EIF2B3: variants seen among roughly 807,000 people sequenced by gnomAD.
EIF2B3 encodes the protein eukaryotic translation initiation factor 2B subunit gamma.
A neutral mutation model predicts 54.1 loss-of-function variants in EIF2B3; 20 were observed. The observed-to-expected ratio is 0.37, with a 90% CI of 0.26 to 0.54. The LOEUF is 0.54. Among genes scored for constraint, EIF2B3 ranks in the 20% least tolerant of loss-of-function variants. The pLI is 0.86. For missense variants in EIF2B3, 448 were observed against 547.8 expected, an observed-to-expected ratio of 0.82 and a Z score of 1.82; for synonymous variants, 153 against 188.1, an observed-to-expected ratio of 0.81 and a Z score of 1.52.
chr1:44,880,068 G>T, intron 7 of EIF2B3, 60 bp from the exon 8 acceptor site: 1 of 1,571,322 alleles, frequency 6.4e-7, no homozygotes, highest in Non-Finnish European at 8.7e-7. Context: ...AACAGATACA[G>T]ACTCAGTCAA....
chr1:44,967,365 T>C (rs1355902690), intron 3 of EIF2B3, among the ~76,000 whole-genome samples: 1 of 150,786 alleles, frequency 6.6e-6, no homozygotes, highest in Non-Finnish European at 1.5e-5. Flanking sequence ...AGGAATCACT[T>C]GAACCTGGGA....
intron 3 of EIF2B3, among the ~76,000 whole-genome samples, chr1:44,950,496 AAAAC>A (rs1176181659): frequency 6.6e-6 from 1 of 152,168 alleles, no homozygotes; most frequent in Non-Finnish European, 1.5e-5. Context: ...ATACAGATAA[AAAAC>A]AAAGTAGCTA....
Position 44,978,100 on chromosome 1 carries a change from G to A in EIF2B3, c.294+215C>T, listed in dbSNP as rs2476170. Among the ~76,000 whole-genome samples, 1,050 of 152,180 alleles carry A rather than the reference G, an allele frequency of 6.9e-3. 13 individuals are homozygous for A. Among genetic ancestry groups the A allele is most frequent in the African/African-American group, 0.024 (983 of 41,532 alleles). On this transcript the variant is annotated intron_variant, in intron 3 of 11. Coordinates refer to ENST00000360403, the MANE Select transcript of EIF2B3 (RefSeq NM_020365.5). ...TACAAAATTAGCCAGGCACGGTGGC[G>A]TATGCCTGTAATCCCAGCTACTTGG...
chr1:44,923,568 G>A (rs576990597), intron 5 of EIF2B3, among the ~76,000 whole-genome samples: 2 of 152,150 alleles, frequency 1.3e-5, no homozygotes, highest in East Asian at 3.9e-4. Context: ...ATTTTACTGG[G>A]AACTCAGTTT....
chr1:44,857,625 C>T (rs1251822552), intron 11 of EIF2B3, 79 bp downstream of exon 11: 3 of 1,380,896 alleles, frequency 2.2e-6, no homozygotes, highest in African/African-American at 2.8e-5. Context: ...GCTTGTTTCC[C>T]ACATCCTCAC....
chr1:44,863,988 T>A (rs977204514), intron 10 of EIF2B3, among the ~76,000 whole-genome samples: 1 of 152,186 alleles, frequency 6.6e-6, no homozygotes, highest in African/African-American at 2.4e-5. Context: ...GAAAATTTCC[T>A]CCTTTTAGTT....
chr1:44,985,421 G>A (rs959246131), intron 1 of EIF2B3, among the ~76,000 whole-genome samples: 1 of 151,996 alleles, frequency 6.6e-6, no homozygotes, highest in Non-Finnish European at 1.5e-5. Flanking sequence ...TTCATTGCAC[G>A]TATGTGTTTA....
At chr1:44,885,583 C>T (rs1655551102) in intron 6 of EIF2B3, among the ~76,000 whole-genome samples, 2 of 152,052 alleles carry the variant, frequency 1.3e-5, no homozygotes, top group Admixed American at 6.6e-5. Context: ...ATATATTACT[C>T]AGTAAATATT....
At chr1:44,856,536 A>G (rs1262038082) in intron 11 of EIF2B3, among the ~76,000 whole-genome samples, 1 of 151,462 alleles carries the variant, frequency 6.6e-6, no homozygotes, top group Non-Finnish European at 1.5e-5. Context: ...ATTAAAAAAA[A>G]AAAAAAAAAA....
intron 7 of EIF2B3, among the ~76,000 whole-genome samples, chr1:44,880,685 G>A (rs572091428): frequency 2.6e-5 from 4 of 152,268 alleles, no homozygotes; most frequent in South Asian, 2.1e-4. Flanking sequence ...AATGCTGGCC[G>A]GGCACGGTGG....
intron 3 of EIF2B3, among the ~76,000 whole-genome samples, chr1:44,969,275 A>G (rs1644377696): frequency 6.6e-6 from 1 of 152,174 alleles, no homozygotes; most frequent in African/African-American, 2.4e-5. Context: ...ATCAACAAAA[A>G]CCTAGTTTCT....
chr1:44,871,225 A>T (rs891376807), intron 10 of EIF2B3, among the ~76,000 whole-genome samples: 1 of 149,764 alleles, frequency 6.7e-6, no homozygotes, highest in African/African-American at 2.4e-5. Context: ...AGGCAGACAC[A>T]TGTTTTATAG....
At chr1:44,917,526 A>C (rs1229755883) in intron 5 of EIF2B3, among the ~76,000 whole-genome samples, 2 of 151,452 alleles carry the variant, frequency 1.3e-5, no homozygotes, top group Non-Finnish European at 2.9e-5. Flanking sequence ...AAATCTTCAG[A>C]TTTTACTTGA....
rs34681417 is a variant in EIF2B3, at chr1:44,914,160, AT to A, written c.566+12467del. On this transcript the variant is annotated intron_variant, in intron 5 of 11. Coordinates refer to ENST00000360403, the MANE Select transcript of EIF2B3 (RefSeq NM_020365.5). Reference sequence around the variant, plus strand: ...GCTTTTAAAACTTTTTAAATTGGGAATTTTTTTTTTTTTTTTTGAGGCAGAG... The same window carrying A: ...GCTTTTAAAACTTTTTAAATTGGGAATTTTTTTTTTTTTTTTGAGGCAGAG... 5.7e-3 allele frequency among the ~76,000 whole-genome samples: 757 copies of A among 133,562 alleles called. 1 individual carries two copies. The highest frequency in any genetic ancestry group is 0.03 in the Middle Eastern group (7 of 232). The allele number at this position is 133,562 out of a possible 152,430, so 87.6% of individuals were successfully genotyped here.
At chr1:44,915,317 A>C (rs779784932) in intron 5 of EIF2B3, among the ~76,000 whole-genome samples, 4 of 151,848 alleles carry the variant, frequency 2.6e-5, no homozygotes, top group Non-Finnish European at 5.9e-5. Flanking sequence ...AAAAATTATT[A>C]TTATTATTTT....
chr1:44,972,262 C>CACATAT (rs1553180653), intron 3 of EIF2B3, among the ~76,000 whole-genome samples: 43 of 106,940 alleles, frequency 4.0e-4, no homozygotes, highest in African/African-American at 1.3e-3. Context: ...CACACACACA[C>CACATAT]ACACATATAC....
At chr1:44,944,117 T>A (rs1644070688) in intron 3 of EIF2B3, among the ~76,000 whole-genome samples, 1 of 151,960 alleles carries the variant, frequency 6.6e-6, no homozygotes, top group South Asian at 2.1e-4. Flanking sequence ...GCACTCCAGC[T>A]TGGGTGACAG....
At chr1:44,984,175 G>A (rs977957381) in intron 1 of EIF2B3, among the ~76,000 whole-genome samples, 2 of 151,442 alleles carry the variant, frequency 1.3e-5, no homozygotes, top group Non-Finnish European at 2.9e-5. Context: ...GTGAGACTCC[G>A]TCTCAAAAAA....
chr1:44,869,593 C>CTTTTTTTTTT (rs60006087), intron 10 of EIF2B3, among the ~76,000 whole-genome samples: 1 of 71,236 alleles, frequency 1.4e-5, no homozygotes, highest in Non-Finnish European at 2.4e-5. Context: ...GAGGTAAGGC[C>CTTTTTTTTTT]TTTTTTTTTT....
Sources: gnomAD v4.1 joint callset for allele counts (sites outside exome capture counted in the v4.1 genomes callset) on GRCh38, gnomAD v4.1.1 for gene constraint, MANE v1.5 for transcripts, NCBI Gene and HGNC (gene_info 2026-07-23, HGNC 2026-07-21) for gene names.